PRDM16: variants seen among roughly 807,000 people sequenced by gnomAD.
PRDM16 encodes the protein histone-lysine N-methyltransferase PRDM16.
PRDM16 carries 23 observed loss-of-function variants against 110.6 expected under a neutral mutation model. The ratio of observed to expected loss-of-function variants is 0.21; its 90% confidence interval spans 0.15 to 0.29. PRDM16 has a LOEUF of 0.29. Among genes scored for constraint, PRDM16 ranks in the 10% least tolerant of loss-of-function variants. The pLI is 1.00. For synonymous variants in PRDM16, 799 were observed against 781.8 expected (o/e 1.02, Z -0.37); for missense variants, 1,615 against 1,794.3 (o/e 0.90, Z 1.81).
intron 3 of PRDM16, among the ~76,000 whole-genome samples, chr1:3,298,426 G>A (rs1641136339): frequency 6.6e-6 from 1 of 152,216 alleles, no homozygotes; most frequent in Non-Finnish European, 1.5e-5. Context: ...ACACCAGCCT[G>A]GGAAATGAGC....
Position 3,286,901 on chromosome 1 carries a change from C to T in PRDM16, c.438+42764C>T, listed in dbSNP as rs12066180. On this transcript the variant is annotated intron_variant, in intron 3 of 16. Coordinates refer to ENST00000270722, the MANE Select transcript of PRDM16 (RefSeq NM_022114.4). Reference sequence around the variant, plus strand: ...GCTGGGACTCAAAGCTGGGTCTGCCCACCCTTCCTGGGTGCTGGGACTCAA... The same window carrying T: ...GCTGGGACTCAAAGCTGGGTCTGCCTACCCTTCCTGGGTGCTGGGACTCAA... Among the ~76,000 whole-genome samples the T allele has an allele frequency of 2.9e-3, 446 of 151,830 alleles. 2 individuals carry two copies. Among genetic ancestry groups the T allele is most frequent in the African/African-American group, 0.011 (438 of 41,358 alleles).
At chr1:3,121,165 G>T (rs565730204) in intron 1 of PRDM16, among the ~76,000 whole-genome samples, 2 of 152,284 alleles carry the variant, frequency 1.3e-5, no homozygotes, top group East Asian at 3.9e-4. Flanking sequence ...GAGCCCGCAG[G>T]TCACAGGATC....
chr1:3,182,974 C>T (rs1644228819), intron 1 of PRDM16, among the ~76,000 whole-genome samples: 1 of 152,198 alleles, frequency 6.6e-6, no homozygotes, highest in Non-Finnish European at 1.5e-5. Flanking sequence ...ACAGGTCTCC[C>T]CATAGAAATT....
chr1:3,282,272 C>A (rs1205181070), intron 3 of PRDM16, among the ~76,000 whole-genome samples: 1 of 152,190 alleles, frequency 6.6e-6, no homozygotes, highest in Admixed American at 6.5e-5. Context: ...GGGCACCAGC[C>A]CTTCCCCAGA....
intron 2 of PRDM16, among the ~76,000 whole-genome samples, chr1:3,198,758 T>A (rs915905923): frequency 1.3e-5 from 2 of 152,198 alleles, no homozygotes; most frequent in African/African-American, 2.4e-5. Context: ...GAACCCCCTT[T>A]GTCTGGCTTT....
chr1:3,171,831 C>A (rs1644028637), intron 1 of PRDM16, among the ~76,000 whole-genome samples: 1 of 152,120 alleles, frequency 6.6e-6, no homozygotes, highest in Admixed American at 6.5e-5. Flanking sequence ...TGTGGCCACC[C>A]GGGCCCTCCA....
At chr1:3,087,292 GAGACCAGCC>G (rs961624196) in intron 1 of PRDM16, among the ~76,000 whole-genome samples, 2 of 149,502 alleles carry the variant, frequency 1.3e-5, no homozygotes, top group African/African-American at 5.0e-5. Flanking sequence ...AGCCCCACCT[GAGACCAGCC>G]AGGGCCTCTC....
At chr1:3,375,597 C>T (rs922313069) in intron 3 of PRDM16, among the ~76,000 whole-genome samples, 2 of 152,216 alleles carry the variant, frequency 1.3e-5, no homozygotes, top group Admixed American at 6.5e-5. Flanking sequence ...AGGAGCACGC[C>T]ATGTGCAGGT....
At chr1:3,189,701 G>A (rs897504563) in intron 2 of PRDM16, among the ~76,000 whole-genome samples, 17 of 152,282 alleles carry the variant, frequency 1.1e-4, no homozygotes, top group Admixed American at 3.3e-4. Flanking sequence ...GCCTCCCTCC[G>A]TGCTGGCCTA....
At chr1:3,321,691 G>A (rs1350334307) in intron 3 of PRDM16, among the ~76,000 whole-genome samples, 1 of 150,622 alleles carries the variant, frequency 6.6e-6, no homozygotes, top group Non-Finnish European at 1.5e-5. Context: ...GTGGGTGCAC[G>A]TGTGTGTGCT....
In PRDM16 at chr1:3,244,164, C is replaced by T. The variant is rs370057941; in HGVS notation, c.438+27C>T. The T allele has an allele frequency of 6.2e-7, 1 of 1,611,370 alleles. No homozygotes were observed. The highest frequency in any genetic ancestry group is 8.5e-7 in the Non-Finnish European group (1 of 1,178,086). On this transcript the variant is annotated intron_variant, in intron 3 of 16. Transcript: ENST00000270722. This position sits in a 1 kb window ranked among gnomAD's most constrained non-coding sequence, Gnocchi z 4.1. ...TAGGAGAGCTCGCCCTGCGCCGTCT[C>T]AGCTCCCCAGCGTCCTCGGAGCTCC...
Position 3,411,624 on chromosome 1 carries a change from C to A in PRDM16, c.1427C>A (p.Pro476His). The A allele has an allele frequency of 6.2e-7, 1 of 1,613,978 alleles. No individual in the cohort carries two copies. Among genetic ancestry groups the A allele is most frequent in the Non-Finnish European group, 8.5e-7 (1 of 1,179,970 alleles). ...ATGATGGACAAGGCAAAACCCTCCC[C>A]CAGCCTCAATCACGCCAGCCTGGGC... ...SPMMDKAKPS[P>H]SLNHASLGFN... is the part of the protein sequence containing the mutation. Residue 476 changes from proline to histidine, a missense_variant, in exon 9 of 17, where the codon CCC (proline) becomes CAC (histidine). Pro to His is a moderately conservative substitution (Grantham distance 77). Around this residue, in one of 5 missense-constraint regions of PRDM16, gnomAD observed 772 missense variants for 748.3 expected, o/e 1.03. Coordinates refer to ENST00000270722, the MANE Select transcript of PRDM16 (RefSeq NM_022114.4).
At chr1:3,270,420 G>A (rs1274502151) in intron 3 of PRDM16, among the ~76,000 whole-genome samples, 1 of 150,504 alleles carries the variant, frequency 6.6e-6, no homozygotes, top group Non-Finnish European at 1.5e-5. Context: ...CAGTCCCAGA[G>A]GAGGACAGTC....
chr1:3,323,944 G>A (rs1230187670), intron 3 of PRDM16, among the ~76,000 whole-genome samples: 1 of 152,226 alleles, frequency 6.6e-6, no homozygotes, highest in East Asian at 1.9e-4. Context: ...CGGGGCTGGT[G>A]AAGGGGTTGC....
chr1:3,238,099 G>A (rs1639579238), intron 2 of PRDM16: 1 of 152,282 alleles, frequency 6.6e-6, no homozygotes, highest in African/African-American at 2.4e-5. Flanking sequence ...TTGGAAGGTA[G>A]GGCTTAGGGG....
At chr1:3,149,144 G>C (rs1349483306) in intron 1 of PRDM16, among the ~76,000 whole-genome samples, 2 of 152,210 alleles carry the variant, frequency 1.3e-5, no homozygotes, top group Non-Finnish European at 2.9e-5. Flanking sequence ...GAGAGTCACA[G>C]CAAGCCTGGG....
intron 1 of PRDM16, among the ~76,000 whole-genome samples, chr1:3,120,241 A>T (rs984436404): frequency 9.8e-5 from 15 of 152,338 alleles, no homozygotes; most frequent in African/African-American, 3.6e-4. Flanking sequence ...CCCATATCAC[A>T]TCGTTCCACA....
intron 1 of PRDM16, among the ~76,000 whole-genome samples, chr1:3,163,570 G>A (rs902687287): frequency 6.6e-6 from 1 of 152,202 alleles, no homozygotes; most frequent in Non-Finnish European, 1.5e-5. Flanking sequence ...CTGAGTGGCT[G>A]AAACAACAGA....
At chr1:3,189,872 A>T (rs1408713810) in intron 2 of PRDM16, among the ~76,000 whole-genome samples, 1 of 152,154 alleles carries the variant, frequency 6.6e-6, no homozygotes, top group African/African-American at 2.4e-5. Context: ...AGTCACGTGG[A>T]TTATTCTTAC....
Sources: gnomAD v4.1 joint callset for allele counts (sites outside exome capture counted in the v4.1 genomes callset) on GRCh38, gnomAD v4.1.1 for gene constraint, gnomAD v4.1.1 regional missense constraint, Gnocchi (gnomAD v3.1) non-coding constraint, MANE v1.5 for transcripts, NCBI Gene and HGNC (gene_info 2026-07-23, HGNC 2026-07-21) for gene names.